The following NPY4R variants were observed in gnomAD, a reference collection of about 807,000 sequenced individuals.
NPY4R encodes the protein neuropeptide Y receptor Y4.
In NPY4R, 2 loss-of-function variants were observed where a neutral mutation model predicts 11.9. That is an observed-to-expected ratio of 0.17 (90% confidence interval 0.07 to 0.53). The LOEUF (loss-of-function observed/expected upper bound fraction) is 0.53, where lower values mean the gene tolerates loss of function less well. NPY4R is among the 20% of genes least tolerant of loss of function. The pLI is 0.94. For synonymous variants in NPY4R, 8 were observed against 121.7 expected (o/e 0.07, Z 6.15); for missense variants, 26 against 280.2 (o/e 0.09, Z 6.48).
chr10:46,464,311 G>C (rs1347283600), intron 1 of NPY4R, among the ~76,000 whole-genome samples: 2 of 141,812 alleles, frequency 1.4e-5, no homozygotes, highest in South Asian at 2.2e-4. Context: ...GGAGGTTGCA[G>C]TCAGCAGAGA....
upstream of NPY4R, among the ~76,000 whole-genome samples, chr10:46,466,263 C>CTCTCTCTCTCTCTCTCT (rs1370103147): frequency 8.0e-5 from 1 of 12,556 alleles, no homozygotes; most frequent in African/African-American, 2.2e-4. Context: ...TTCTTTCTTT[C>CTCTCTCTCTCTCTCTCT]CTTTCTTTCT....
chr10:46,463,976 A>G (rs1198693906), intron 1 of NPY4R, 91 bp from the exon 2 acceptor site: 1 of 141,792 alleles, frequency 7.1e-6, no homozygotes, highest in Non-Finnish European at 1.5e-5. Flanking sequence ...CCTATTTGAG[A>G]TATTCTTTAA....
At chr10:46,466,265 T>TTCC (rs1841043470), upstream of NPY4R, among the ~76,000 whole-genome samples, 1 of 70,768 alleles carries the variant, frequency 1.4e-5, no homozygotes, top group Non-Finnish European at 2.7e-5. Context: ...CTTTCTTTCC[T>TTCC]TTCTTTCTTT....
At chr10:46,466,290 C>T (rs1279154512), upstream of NPY4R, among the ~76,000 whole-genome samples, 13,440 of 30,668 alleles carry the variant, frequency 0.44, 1,784 homozygotes, top group Non-Finnish European at 0.48. Context: ...CTTTCTCTCT[C>T]TCTCTCTCTC....
upstream of NPY4R, among the ~76,000 whole-genome samples, chr10:46,466,286 C>CCTTT (rs1841049385): frequency 6.7e-5 from 1 of 14,972 alleles, no homozygotes. Flanking sequence ...CTTTCTTTCT[C>CCTTT]TCTCTCTCTC....
At position 46,465,909 on chromosome 10, in the gene NPY4R, G is replaced by GCGCCTGCTT. The variant is rs1554991022; in HGVS notation, c.-456_-448dup. 3 of 154,344 alleles carry GCGCCTGCTT rather than the reference G, an allele frequency of 1.9e-5. No homozygotes were observed. The highest frequency in any genetic ancestry group is 1.4e-5 in the Non-Finnish European group (1 of 69,940). The allele number at this position is 154,344 out of a possible 1,614,324, so 9.6% of individuals were successfully genotyped here. A position where few individuals can be genotyped will look rare whatever the true frequency, so the allele number is the denominator to read the frequency against. On this transcript the variant is annotated 5_prime_UTR_variant, in exon 1 of 3. Transcript: ENST00000374312. ...GGGGCACCAGGCGCGGGGCAGAGCC[G>GCGCCTGCTT]CGCCTGCTTCACCTGCTCCTGCTGC...
upstream of NPY4R, among the ~76,000 whole-genome samples, chr10:46,466,263 CCTTT>C (rs1183828775): frequency 0.02 from 255 of 12,482 alleles, 40 homozygotes; most frequent in Non-Finnish European, 0.033. Context: ...TTCTTTCTTT[CCTTT>C]CTTTCTTTCT....
upstream of NPY4R, among the ~76,000 whole-genome samples, chr10:46,466,276 C>CT (rs1565142711): frequency 7.1e-5 from 4 of 56,188 alleles, no homozygotes; most frequent in East Asian, 2.7e-4. Flanking sequence ...TTCTTTCTTT[C>CT]TTTCTTTCTC....
chr10:46,466,264 C>CTT (rs782673867), upstream of NPY4R, among the ~76,000 whole-genome samples: 2 of 17,410 alleles, frequency 1.1e-4, no homozygotes, highest in African/African-American at 3.9e-4. Context: ...TCTTTCTTTC[C>CTT]TTTCTTTCTT....
At chr10:46,466,247 C>G (rs1185911278), upstream of NPY4R, among the ~76,000 whole-genome samples, 1 of 68,808 alleles carries the variant, frequency 1.5e-5, no homozygotes, top group African/African-American at 8.5e-5. Flanking sequence ...TTCTTTCTTT[C>G]TTTCTTTCTT....
At chr10:46,466,204 TTTCTTTCTTTCTTTCTTTC>T (rs1841023293), upstream of NPY4R, among the ~76,000 whole-genome samples, 1 of 48,128 alleles carries the variant, frequency 2.1e-5, no homozygotes, top group Non-Finnish European at 4.1e-5. Context: ...TCTTTCTTTC[TTTCTTTCTTTCTTTCTTTC>T]TTTCTTTCTT....
upstream of NPY4R, among the ~76,000 whole-genome samples, chr10:46,466,169 C>T (rs1554991144): frequency 3.0e-5 from 1 of 33,634 alleles, no homozygotes; most frequent in Non-Finnish European, 8.2e-5. Context: ...GCTGGAGCTG[C>T]GCTGTCTTTC....
upstream of NPY4R, among the ~76,000 whole-genome samples, chr10:46,467,923 C>T (rs1241302703): frequency 1.9e-5 from 2 of 105,528 alleles, no homozygotes; most frequent in Admixed American, 2.2e-4. Context: ...GGCACGCAGC[C>T]TGAACCCTAG....
chr10:46,461,704 GC>G lies in NPY4R; in HGVS notation c.931del (p.Ala311ProfsTer28). ...NLIFLVCHLLAMASTCVNPFI... is the reference protein window; with the variant it reads ...NLIFLVCHLLXMASTCVNPFI... The stretch of plus-strand genomic sequence containing the variant: ...TGGGTTGACACAGGTGGAGGCCATG[GC>G]AAGCAAGTGGCACACTAAGAAGATG... On this transcript the variant is annotated frameshift_variant, in exon 3 of 3. Transcript: ENST00000374312. LOFTEE classifies it high-confidence loss of function. The G allele has an allele frequency of 6.3e-6, 2 of 318,086 alleles. 1 individual carries two copies. The highest frequency in any genetic ancestry group is 6.5e-5 in the East Asian group (2 of 30,990). 19.7% of individuals were successfully genotyped at this position (318,086 alleles called of 1,614,324 possible).
upstream of NPY4R, among the ~76,000 whole-genome samples, chr10:46,466,352 TTCTC>T (rs1841053471): frequency 7.9e-6 from 1 of 126,120 alleles, no homozygotes; most frequent in Non-Finnish European, 1.7e-5. Context: ...CCAGGAGTGT[TTCTC>T]TCTGTCTAGG....
At chr10:46,464,240 A>G (rs1472569397) in intron 1 of NPY4R, among the ~76,000 whole-genome samples, 2 of 151,772 alleles carry the variant, frequency 1.3e-5, no homozygotes, top group Admixed American at 6.6e-5. Context: ...GTGGTGGTGC[A>G]TGCCTGTAGT....
At chr10:46,466,303 C>T (rs1400762888), upstream of NPY4R, among the ~76,000 whole-genome samples, 62 of 122,382 alleles carry the variant, frequency 5.1e-4, no homozygotes, top group African/African-American at 1.1e-3. Context: ...TCTCTCTCTC[C>T]CTCCCTCCCC....
At chr10:46,466,251 CTTTCTTTCTTTCCTT>C (rs1841037268), upstream of NPY4R, among the ~76,000 whole-genome samples, 1 of 68,414 alleles carries the variant, frequency 1.5e-5, no homozygotes, top group Admixed American at 1.5e-4. Context: ...TTCTTTCTTT[CTTTCTTTCTTTCCTT>C]TCTTTCTTTC....
upstream of NPY4R, among the ~76,000 whole-genome samples, chr10:46,466,294 CT>C (rs1841050390): frequency 1.0e-5 from 1 of 98,578 alleles, no homozygotes; most frequent in African/African-American, 3.5e-5. Flanking sequence ...CTCTCTCTCT[CT>C]CTCTCTCCCT....
Sources: allele counts gnomAD v4.1 joint callset (sites outside exome capture counted in the v4.1 genomes callset), GRCh38; gene constraint gnomAD v4.1.1; transcripts MANE v1.5; gene names NCBI Gene and HGNC (gene_info 2026-07-23, HGNC 2026-07-21).